Variants in FAM20A observed in about 807,000 individuals in gnomAD.
FAM20A encodes pseudokinase FAM20A.
FAM20A carries 42 observed loss-of-function variants against 52.0 expected under a neutral mutation model. That is an observed-to-expected ratio of 0.81 (90% CI 0.63 to 1.04). FAM20A has a LOEUF of 1.04. FAM20A is among the 50% of genes least tolerant of loss of function. FAM20A has a pLI of 0.00. For synonymous variants in FAM20A, 304 were observed against 298.9 expected (o/e 1.02, Z -0.18); for missense variants, 742 against 712.7 (o/e 1.04, Z -0.47).
chr17:68,570,115 G>A (rs544435801), intron 1 of FAM20A, among the ~76,000 whole-genome samples: 6 of 152,072 alleles, frequency 3.9e-5, no homozygotes, highest in East Asian at 3.9e-4. Flanking sequence ...TTGCTTTGTC[G>A]CCCAGGCTGG....
chr17:68,562,137 A>G (rs913433125), intron 1 of FAM20A, among the ~76,000 whole-genome samples: 2 of 152,218 alleles, frequency 1.3e-5, no homozygotes, highest in Admixed American at 6.5e-5. Context: ...AGTACCTTTC[A>G]AAACGTGTAA....
chr17:68,581,370 CTTT>C (rs2087955139), intron 1 of FAM20A, among the ~76,000 whole-genome samples: 1 of 139,462 alleles, frequency 7.2e-6, no homozygotes, highest in Non-Finnish European at 1.5e-5. Flanking sequence ...TTCTTTCTTT[CTTT>C]CTTTCTTTCT....
At chr17:68,581,410 CTTTCTTTT>C (rs1198812428) in intron 1 of FAM20A, among the ~76,000 whole-genome samples, 22 of 137,154 alleles carry the variant, frequency 1.6e-4, no homozygotes, top group African/African-American at 4.7e-4. Context: ...TTCTTTCTTT[CTTTCTTTT>C]TCTCTTTTCT....
chr17:68,546,680 A>G lies in FAM20A; in HGVS notation c.720-2959T>C, dbSNP rs8072366. Among the ~76,000 whole-genome samples the G allele has an allele frequency of 9.9e-3, 1,506 of 152,024 alleles. 36 individuals carry two copies. Among genetic ancestry groups the G allele is most frequent in the African/African-American group, 0.034 (1,408 of 41,410 alleles). ...CCTGTCTCTACTAAAAATACAAAAA[A>G]TTATCCGGGCATGGTGGCCGGCGCC... On this transcript the variant is annotated intron_variant, in intron 4 of 10. Transcript: ENST00000592554.
At chr17:68,561,567 G>T (rs1435719063) in intron 1 of FAM20A, among the ~76,000 whole-genome samples, 1 of 148,784 alleles carries the variant, frequency 6.7e-6, no homozygotes, top group Non-Finnish European at 1.5e-5. Flanking sequence ...TTAACAGCTG[G>T]TGGGGCTAGT....
At chr17:68,575,083 A>T (rs1598056437) in intron 1 of FAM20A, 1 of 152,098 alleles carries the variant, frequency 6.6e-6, no homozygotes, top group East Asian at 1.9e-4. Context: ...TCCTGGAGTC[A>T]CCAGAAGCTG....
chr17:68,595,879 A>G (rs1280078133), intron 1 of FAM20A, among the ~76,000 whole-genome samples: 1 of 152,166 alleles, frequency 6.6e-6, no homozygotes, highest in African/African-American at 2.4e-5. Context: ...CACAGATGCC[A>G]TGGGGGAGCT....
chr17:68,555,484 G>A (rs1206919521), intron 2 of FAM20A, 75 bp downstream of exon 2: 1 of 1,534,768 alleles, frequency 6.5e-7, no homozygotes, highest in African/African-American at 1.4e-5. Flanking sequence ...CCACTCTGGA[G>A]CCTAGCCTGG....
At chr17:68,592,908 G>A (rs1423349141) in intron 1 of FAM20A, among the ~76,000 whole-genome samples, 1 of 152,154 alleles carries the variant, frequency 6.6e-6, no homozygotes, top group Non-Finnish European at 1.5e-5. Flanking sequence ...TCTTGCTCAA[G>A]CCCGAGTCTA....
intron 5 of FAM20A, 138 bp downstream of exon 5, chr17:68,543,491 C>A (rs921372036): frequency 1.4e-6 from 1 of 736,846 alleles, no homozygotes; most frequent in Non-Finnish European, 2.4e-6. Flanking sequence ...TTCAAAGACA[C>A]CACGATGAGG....
At chr17:68,548,967 C>T (rs529643858) in intron 4 of FAM20A, among the ~76,000 whole-genome samples, 25 of 151,972 alleles carry the variant, frequency 1.6e-4, no homozygotes, top group African/African-American at 5.5e-4. Flanking sequence ...CTCCTGACCT[C>T]GTGATCTGCC....
At position 68,548,394 on chromosome 17, in the gene FAM20A, G is replaced by C. The variant is rs528515146; in HGVS notation, c.719+3479C>G. Among the ~76,000 whole-genome samples, 16 of 152,272 alleles carry C rather than the reference G, an allele frequency of 1.1e-4. No homozygotes were observed. The East Asian group carries it at 2.9e-3, about 28-fold the overall frequency. On this transcript the variant is annotated intron_variant, in intron 4 of 10. Coordinates refer to ENST00000592554, the MANE Select transcript of FAM20A (RefSeq NM_017565.4). ...AAAATGCAAAAATTAGCCAGGTGTG[G>C]TGGGCAGCGCCTTTAGTCCCAGCTA...
At chr17:68,581,378 C>CTTTCTTTCTTTCTT (rs1568774002) in intron 1 of FAM20A, among the ~76,000 whole-genome samples, 1 of 143,226 alleles carries the variant, frequency 7.0e-6, no homozygotes, top group Non-Finnish European at 1.5e-5. Flanking sequence ...TTCTTTCTTT[C>CTTTCTTTCTTTCTT]TTTCTTTCTT....
At chr17:68,595,556 G>T (rs2088429421) in intron 1 of FAM20A, among the ~76,000 whole-genome samples, 1 of 152,220 alleles carries the variant, frequency 6.6e-6, no homozygotes, top group African/African-American at 2.4e-5. Context: ...ATGGAAGTCA[G>T]GCTCCCCACT....
intron 1 of FAM20A, among the ~76,000 whole-genome samples, chr17:68,575,569 TATATA>T (rs1171990314): frequency 3.8e-5 from 4 of 106,078 alleles, no homozygotes; most frequent in East Asian, 2.2e-4. Context: ...TTTTATATAT[TATATA>T]ATATATTCTA....
Position 68,600,023 on chromosome 17 carries a change from G to A in FAM20A, c.404+240C>T, listed in dbSNP as rs1325159608. 1.3e-5 allele frequency among the ~76,000 whole-genome samples: 2 copies of A among 152,192 alleles called. No individual in the cohort carries two copies. The highest frequency in any genetic ancestry group is 1.3e-4 in the Admixed American group (2 of 15,286). On this transcript the variant is annotated intron_variant, in intron 1 of 10. Coordinates refer to ENST00000592554, the MANE Select transcript of FAM20A (RefSeq NM_017565.4). This position sits in a 1 kb window ranked among gnomAD's most constrained non-coding sequence, Gnocchi z 6.2. ...GGGAAGGGGCTGAGAGCGTTTCTTC[G>A]CTGTGCGGCTGCAATAGAAACTTTT...
At chr17:68,552,440 A>T (rs370224715) in intron 3 of FAM20A, among the ~76,000 whole-genome samples, 2 of 152,040 alleles carry the variant, frequency 1.3e-5, no homozygotes, top group Admixed American at 1.3e-4. Flanking sequence ...TCTACTTAAG[A>T]CTGTACACCT....
At chr17:68,573,929 C>T (rs1436052810) in intron 1 of FAM20A, among the ~76,000 whole-genome samples, 3 of 151,960 alleles carry the variant, frequency 2.0e-5, no homozygotes, top group African/African-American at 7.3e-5. Context: ...CCGCCTGCCT[C>T]AGCCTCCCAA....
At chr17:68,550,486 T>G (rs1165355880) in intron 4 of FAM20A, among the ~76,000 whole-genome samples, 1 of 149,526 alleles carries the variant, frequency 6.7e-6, no homozygotes, top group African/African-American at 2.5e-5. Flanking sequence ...GTTCAGGAGA[T>G]TCTTCTGCCT....
Sources: gnomAD v4.1 joint callset for allele counts (sites outside exome capture counted in the v4.1 genomes callset) on GRCh38, gnomAD v4.1.1 for gene constraint, Gnocchi (gnomAD v3.1) non-coding constraint, MANE v1.5 for transcripts, NCBI Gene and HGNC (gene_info 2026-07-23, HGNC 2026-07-21) for gene names.